Variants in BLTP3B observed in about 807,000 individuals in gnomAD.
BLTP3B encodes the protein UHRF1 (ICBP90) binding protein 1-like.
chr12:100,039,629 A>C, the BLTP3B span: 759 of 1,613,728 alleles, frequency 4.7e-4, 4 homozygotes, highest in East Asian at 0.016. Flanking sequence ...AGAACTCAGG[A>C]AAGTTAGCTG....
chr12:100,047,326 C>G, the BLTP3B span, among the ~76,000 whole-genome samples: 7 of 151,962 alleles, frequency 4.6e-5, no homozygotes, highest in Admixed American at 4.6e-4. Context: ...GGTGAAACCC[C>G]ATCTCTACTA....
the BLTP3B span, among the ~76,000 whole-genome samples, chr12:100,141,422 TATATGTAC>T: frequency 7.0e-6 from 1 of 142,554 alleles, no homozygotes; most frequent in Non-Finnish European, 1.5e-5. Context: ...TGTATATGTA[TATATGTAC>T]ATATGTATAT....
the BLTP3B span, among the ~76,000 whole-genome samples, chr12:100,082,046 C>T: frequency 1.3e-5 from 2 of 152,092 alleles, no homozygotes; most frequent in Admixed American, 1.3e-4. Context: ...ATAAGCATTC[C>T]CTTTTCTCCA....
the BLTP3B span, among the ~76,000 whole-genome samples, chr12:100,076,311 G>A: frequency 6.8e-6 from 1 of 147,852 alleles, no homozygotes; most frequent in Non-Finnish European, 1.5e-5. Flanking sequence ...CAATAGACGT[G>A]TATATGTCTC....
At chr12:100,140,720 A>T in the BLTP3B span, among the ~76,000 whole-genome samples, 3 of 123,628 alleles carry the variant, frequency 2.4e-5, no homozygotes, top group African/African-American at 1.1e-4. Context: ...AAAAAAAAAA[A>T]AAAAAAAAAA....
chr12:100,060,027 G>C, the BLTP3B span: 3 of 1,596,124 alleles, frequency 1.9e-6, no homozygotes, highest in East Asian at 2.3e-5. Flanking sequence ...GCTGGCTATA[G>C]AGGTTGGGAG....
chr12:100,045,355 C>T, the BLTP3B span, among the ~76,000 whole-genome samples: 2 of 152,018 alleles, frequency 1.3e-5, no homozygotes, highest in Non-Finnish European at 2.9e-5. Context: ...AACTATACTA[C>T]AATGCTACAG....
At chr12:100,069,498 G>A in the BLTP3B span, among the ~76,000 whole-genome samples, 1 of 151,956 alleles carries the variant, frequency 6.6e-6, no homozygotes, top group South Asian at 2.1e-4. Context: ...GTGTATGTGT[G>A]TATATATATG....
the BLTP3B span, chr12:100,108,692 T>C: frequency 1.6e-6 from 1 of 642,714 alleles, no homozygotes; most frequent in Non-Finnish European, 2.5e-6. Context: ...AAAGAAAATG[T>C]GGTACATATA....
At chr12:100,104,039 GGACA>G in the BLTP3B span, 6 of 872,822 alleles carry the variant, frequency 6.9e-6, no homozygotes, top group Admixed American at 8.2e-5. Flanking sequence ...TATTAATATA[GGACA>G]GACACACCAA....
the BLTP3B span, chr12:100,086,210 T>G: frequency 9.4e-7 from 1 of 1,059,666 alleles, no homozygotes; most frequent in Non-Finnish European, 1.3e-6. Flanking sequence ...AAAACTAAAC[T>G]AAATAAATTA....
At chr12:100,076,149 T>C in the BLTP3B span, among the ~76,000 whole-genome samples, 1 of 151,726 alleles carries the variant, frequency 6.6e-6, no homozygotes, top group African/African-American at 2.4e-5. Flanking sequence ...TTTAAGGTTC[T>C]GGTTACATTT....
the BLTP3B span, chr12:100,086,397 A>G: frequency 6.8e-6 from 9 of 1,324,710 alleles, no homozygotes; most frequent in African/African-American, 3.0e-5. Context: ...TATTAAGTCA[A>G]TTATCAGAAA....
At chr12:100,055,139 T>C in the BLTP3B span, among the ~76,000 whole-genome samples, 3 of 152,188 alleles carry the variant, frequency 2.0e-5, no homozygotes, top group East Asian at 5.8e-4. Context: ...AGAGTAAATT[T>C]TTTTAAGAAG....
chr12:100,081,269 T>C, the BLTP3B span, among the ~76,000 whole-genome samples: 1 of 152,180 alleles, frequency 6.6e-6, no homozygotes, highest in Non-Finnish European at 1.5e-5. Context: ...CTATGGCTGG[T>C]TGTAATTTGT....
the BLTP3B span, among the ~76,000 whole-genome samples, chr12:100,055,171 G>A: frequency 6.6e-6 from 1 of 152,002 alleles, no homozygotes; most frequent in Non-Finnish European, 1.5e-5. Flanking sequence ...TCAGATAGAA[G>A]AGCTCAGACT....
At chr12:100,055,879 C>T in the BLTP3B span, among the ~76,000 whole-genome samples, 325 of 152,154 alleles carry the variant, frequency 2.1e-3, no homozygotes, top group African/African-American at 7.4e-3. Flanking sequence ...GAATTTAAAC[C>T]ACTAATTAGC....
At chr12:100,051,290 A>G in the BLTP3B span, 17 of 1,402,264 alleles carry the variant, frequency 1.2e-5, no homozygotes, top group African/African-American at 2.3e-4. Context: ...CTGTATGCTT[A>G]TTTAACAAAA....
At chr12:100,079,192 A>C in the BLTP3B span, among the ~76,000 whole-genome samples, 1 of 152,200 alleles carries the variant, frequency 6.6e-6, no homozygotes, top group Non-Finnish European at 1.5e-5. Context: ...AAGATACCTG[A>C]ATGTGGAAGT....
Sources: allele counts gnomAD v4.1 joint callset (sites outside exome capture counted in the v4.1 genomes callset), GRCh38; gene constraint gnomAD v4.1.1; transcripts MANE v1.5; gene names NCBI Gene and HGNC (gene_info 2026-07-23, HGNC 2026-07-21).